ACP3: variants seen among roughly 807,000 people sequenced by gnomAD.
ACP3 encodes acid phosphatase 3.
ACP3 carries 38 observed loss-of-function variants against 45.6 expected under a neutral mutation model. That is an observed-to-expected ratio of 0.83 (90% CI 0.64 to 1.09). The LOEUF is 1.09. Among genes scored for constraint, ACP3 ranks in the 50% least tolerant of loss-of-function variants. The pLI, the probability that ACP3 is intolerant of heterozygous loss-of-function variation, is 0.00. For synonymous variants in ACP3, 162 were observed against 164.7 expected, an observed-to-expected ratio of 0.98 and a Z score of 0.13; for missense variants, 466 against 463.2, an observed-to-expected ratio of 1.01 and a Z score of -0.05.
intron 10 of ACP3, chr3:132,367,568 C>T: frequency 1.5e-6 from 1 of 678,110 alleles, no homozygotes; most frequent in Non-Finnish European, 2.6e-6. Context: ...TTAGCACACA[C>T]ATAATGCTGA....
intron 10 of ACP3, among the ~76,000 whole-genome samples, chr3:132,367,262 C>G (rs1242643320): frequency 6.6e-6 from 1 of 152,180 alleles, no homozygotes; most frequent in Non-Finnish European, 1.5e-5. Flanking sequence ...AAAATGTGCA[C>G]AAGATCTCCT....
chr3:132,321,111 G>C (rs1937199739), intron 1 of ACP3, among the ~76,000 whole-genome samples: 1 of 152,092 alleles, frequency 6.6e-6, no homozygotes, highest in Non-Finnish European at 1.5e-5. Flanking sequence ...GCCACATTGA[G>C]CTAGGATCAC....
chr3:132,339,882 C>G (rs1215508656), intron 5 of ACP3, among the ~76,000 whole-genome samples: 2 of 152,188 alleles, frequency 1.3e-5, no homozygotes, highest in Admixed American at 1.3e-4. Context: ...CTAATCCCGG[C>G]CTTGGCTTTC....
chr3:132,347,684 A>C (rs1937626323), intron 7 of ACP3, among the ~76,000 whole-genome samples: 2 of 151,716 alleles, frequency 1.3e-5, no homozygotes, highest in Non-Finnish European at 2.9e-5. Context: ...GGGTCTCCTT[A>C]TGTTGCCCAG....
chr3:132,349,546 A>G (rs1041279665), intron 7 of ACP3, among the ~76,000 whole-genome samples: 1 of 152,144 alleles, frequency 6.6e-6, no homozygotes, highest in African/African-American at 2.4e-5. Context: ...ATCTTTTATG[A>G]TCTGAAAAAG....
intron 4 of ACP3, chr3:132,332,612 C>T (rs184393217): frequency 2.9e-6 from 1 of 343,668 alleles, no homozygotes; most frequent in East Asian, 5.5e-5. Flanking sequence ...TCGTCATACA[C>T]AGAGAGAGAG....
At chr3:132,366,240 G>C (rs1256314340) in intron 10 of ACP3, among the ~76,000 whole-genome samples, 1 of 148,730 alleles carries the variant, frequency 6.7e-6, no homozygotes, top group East Asian at 2.0e-4. Context: ...AGTCGAGGCT[G>C]CATGAGCCAA....
exon 11 of ACP3, chr3:132,368,097 A>AG: frequency 3.7e-6 from 1 of 269,282 alleles, no homozygotes. Context: ...ATTCTCTGCC[A>AG]CAGTTGTCCG....
At position 132,332,221 on chromosome 3, in the gene ACP3, G is replaced by C; in HGVS notation, c.333G>C (p.Arg111=). 6.2e-7 allele frequency: 1 copy of C among 1,614,094 alleles called. No homozygotes were observed. The highest frequency in any genetic ancestry group is 8.5e-7 in the Non-Finnish European group (1 of 1,180,014). The change falls in exon 4 of 10, where the codon CGG becomes CGC. Residue 111 remains arginine (R), a synonymous_variant. Transcript: ENST00000336375. The part of the protein sequence containing the change: ...QVYIRSTDVD[R]TLMSAMTNLA... ...ATATTCGAAGCACAGACGTTGACCG[G>C]ACTTTGATGAGTGCTATGACAAACC...
rs1237758395 is a variant in ACP3 at position 132,355,575 on chromosome 3, T to C, written c.969-1111T>C. 4.6e-5 allele frequency among the ~76,000 whole-genome samples: 7 copies of C among 151,942 alleles called. 1 individual carries two copies. The South Asian group carries it at 1.0e-3, about 22-fold the overall frequency. The stretch of plus-strand genomic sequence containing the variant: ...CTCTGTTGCCCAGGCTAGAGTGTAG[T>C]GGCGTGATCTCGGCTAACTGCAACC... On this transcript the variant is annotated intron_variant, in intron 9 of 9. Coordinates refer to ENST00000336375, the MANE Select transcript of ACP3 (RefSeq NM_001099.5).
At chr3:132,343,698 T>C (rs965996689) in intron 6 of ACP3, among the ~76,000 whole-genome samples, 7 of 152,204 alleles carry the variant, frequency 4.6e-5, no homozygotes, top group East Asian at 1.9e-4. Flanking sequence ...CCTTTGAAAC[T>C]GGGGGACTCC....
exon 11 of ACP3, chr3:132,368,079 A>G: frequency 2.7e-6 from 1 of 364,340 alleles, no homozygotes. Flanking sequence ...TATGCATAGG[A>G]TGGTTGTATT....
At chr3:132,332,567 G>T (rs925292744) in intron 4 of ACP3, 3 of 511,218 alleles carry the variant, frequency 5.9e-6, no homozygotes, top group African/African-American at 3.8e-5. Flanking sequence ...ACTTTGTTTT[G>T]CCACTCTTGC....
downstream of ACP3, among the ~76,000 whole-genome samples, chr3:132,359,392 C>T (rs1937995061): frequency 6.6e-6 from 1 of 152,122 alleles, no homozygotes; most frequent in Non-Finnish European, 1.5e-5. Flanking sequence ...CCTGTAGTCC[C>T]AGCTACTCGG....
At chr3:132,341,606 C>T (rs1023680953) in intron 5 of ACP3, among the ~76,000 whole-genome samples, 1 of 152,180 alleles carries the variant, frequency 6.6e-6, no homozygotes, top group African/African-American at 2.4e-5. Context: ...ATCAGTGTTA[C>T]ACTTAATTCA....
Position 132,328,186 on chromosome 3 carries a change from A to G in ACP3, c.121-81A>G, listed in dbSNP as rs147157265. On this transcript the variant is annotated intron_variant, in intron 1 of 9. Coordinates refer to ENST00000336375, the MANE Select transcript of ACP3 (RefSeq NM_001099.5). ...GCCAAAGTTAAAACCAATGAGTTAG[A>G]AAAAAAAAAACTATTATAATGAGCA... 1,374 of 868,460 alleles carry G rather than the reference A, an allele frequency of 1.6e-3. 13 individuals are homozygous for G. The African/African-American group carries it at 0.022, about 14-fold the overall frequency. 53.8% of individuals were successfully genotyped at this position (868,460 alleles called of 1,614,324 possible). A position where few individuals can be genotyped will look rare whatever the true frequency, so the allele number is the denominator to read the frequency against.
At chr3:132,343,026 C>A (rs992489633) in intron 6 of ACP3, among the ~76,000 whole-genome samples, 6 of 152,156 alleles carry the variant, frequency 3.9e-5, no homozygotes, top group African/African-American at 1.4e-4. Flanking sequence ...GGAAAATTAC[C>A]TGATTTCCGA....
At chr3:132,322,949 C>T (rs867843164) in intron 1 of ACP3, among the ~76,000 whole-genome samples, 1 of 152,192 alleles carries the variant, frequency 6.6e-6, no homozygotes, top group South Asian at 2.1e-4. Context: ...TCTCAGTGTG[C>T]CCCTTCTTGT....
At chr3:132,333,789 G>GA (rs1255677957) in intron 4 of ACP3, among the ~76,000 whole-genome samples, 14 of 152,296 alleles carry the variant, frequency 9.2e-5, no homozygotes, top group African/African-American at 2.9e-4. Flanking sequence ...AAAGACTGGA[G>GA]GTCAGGTGCG....
Sources: allele counts gnomAD v4.1 joint callset (sites outside exome capture counted in the v4.1 genomes callset), GRCh38; gene constraint gnomAD v4.1.1; transcripts MANE v1.5; gene names NCBI Gene and HGNC (gene_info 2026-07-23, HGNC 2026-07-21).